Variants in SHISA9 observed in about 807,000 individuals in gnomAD.
The protein encoded by SHISA9 is protein shisa-9.
SHISA9 carries 13 observed loss-of-function variants against 38.0 expected under a neutral mutation model. The observed-to-expected ratio is 0.34, with a 90% CI of 0.22 to 0.54. The LOEUF is 0.54. Ranked by LOEUF, SHISA9 falls within the 20% of genes least tolerant of loss-of-function variation. SHISA9 has a pLI of 0.91. For synonymous variants in SHISA9, 275 were observed against 242.0 expected (o/e 1.14, Z -1.27); for missense variants, 538 against 575.8 (o/e 0.93, Z 0.67).
the SHISA9 span, among the ~76,000 whole-genome samples, chr16:13,320,292 C>CAAAAAAAAAAAAAAAAAAAAAA: frequency 2.6e-5 from 1 of 38,978 alleles, no homozygotes; most frequent in African/African-American, 5.9e-5. Flanking sequence ...GACTCTGTCT[C>CAAAAAAAAAAAAAAAAAAAAAA]AAAAAAAAAA....
the SHISA9 span, among the ~76,000 whole-genome samples, chr16:13,433,937 A>T: frequency 6.6e-6 from 1 of 152,212 alleles, no homozygotes; most frequent in South Asian, 2.1e-4. Flanking sequence ...TGTATGTATG[A>T]AAGACAGTTT....
chr16:13,472,781 G>A, the SHISA9 span, among the ~76,000 whole-genome samples: 1 of 152,018 alleles, frequency 6.6e-6, no homozygotes, highest in Non-Finnish European at 1.5e-5. Context: ...CTTCTGTCAT[G>A]TTTAATCTCC....
chr16:13,419,589 T>TA, the SHISA9 span, among the ~76,000 whole-genome samples: 2 of 152,182 alleles, frequency 1.3e-5, no homozygotes, highest in Non-Finnish European at 2.9e-5. Flanking sequence ...AAGAGAGGAT[T>TA]AAAAAATCAA....
At chr16:13,445,945 T>C in the SHISA9 span, among the ~76,000 whole-genome samples, 2 of 152,034 alleles carry the variant, frequency 1.3e-5, no homozygotes, top group Non-Finnish European at 1.5e-5. Flanking sequence ...TATTGCCTAG[T>C]ACTTTTTTTT....
chr16:13,293,354 C>G, the SHISA9 span, among the ~76,000 whole-genome samples: 7 of 152,142 alleles, frequency 4.6e-5, no homozygotes, highest in Admixed American at 3.3e-4. Context: ...GCTAGTCAAC[C>G]ATTAAGTCAT....
intron 4 of SHISA9, among the ~76,000 whole-genome samples, chr16:13,219,611 A>G (rs866182547): frequency 2.2e-4 from 33 of 152,188 alleles, no homozygotes; most frequent in African/African-American, 7.2e-4. Context: ...ACCTCTGAAC[A>G]AATTTGTAGG....
At chr16:13,208,337 A>G (rs1308490086) in intron 3 of SHISA9, among the ~76,000 whole-genome samples, 2 of 151,268 alleles carry the variant, frequency 1.3e-5, no homozygotes, top group Non-Finnish European at 2.9e-5. Context: ...TTCTCCCCAA[A>G]CCTGCCTTCC....
At chr16:13,449,982 T>C in the SHISA9 span, among the ~76,000 whole-genome samples, 1 of 152,224 alleles carries the variant, frequency 6.6e-6, no homozygotes, top group Non-Finnish European at 1.5e-5. Flanking sequence ...CAGTGTGTGG[T>C]GGCACACACC....
chr16:13,273,592 A>G, the SHISA9 span, among the ~76,000 whole-genome samples: 1 of 151,912 alleles, frequency 6.6e-6, no homozygotes, highest in African/African-American at 2.4e-5. Flanking sequence ...AGTCCATTAA[A>G]CCTCTCTTTC....
chr16:13,084,167 C>A (rs276641), intron 2 of SHISA9, among the ~76,000 whole-genome samples: 4 of 152,120 alleles, frequency 2.6e-5, no homozygotes, highest in African/African-American at 9.7e-5. Context: ...AAACAAGGAA[C>A]CTGAGGGCCA....
At chr16:13,007,734 C>T (rs538939547) in intron 2 of SHISA9, among the ~76,000 whole-genome samples, 2 of 152,304 alleles carry the variant, frequency 1.3e-5, no homozygotes, top group South Asian at 2.1e-4. Context: ...CAGCCTGAAA[C>T]CCTTTGCTTA....
intron 2 of SHISA9, among the ~76,000 whole-genome samples, chr16:13,038,004 G>T (rs1374393227): frequency 1.3e-5 from 2 of 152,088 alleles, no homozygotes; most frequent in African/African-American, 2.4e-5. Flanking sequence ...TTGTTTCTTT[G>T]TTTGGAGACA....
At chr16:13,438,060 T>G in the SHISA9 span, among the ~76,000 whole-genome samples, 6 of 152,022 alleles carry the variant, frequency 3.9e-5, no homozygotes, top group African/African-American at 1.4e-4. Flanking sequence ...GAGATGAGGT[T>G]TCACCATGCT....
At chr16:13,258,466 C>T in the SHISA9 span, 1 of 152,206 alleles carries the variant, frequency 6.6e-6, no homozygotes, top group Non-Finnish European at 1.5e-5. Context: ...CTCTTCTCTT[C>T]TACTTAGTCA....
At chr16:12,945,487 T>G (rs748180302) in intron 2 of SHISA9, among the ~76,000 whole-genome samples, 4 of 152,180 alleles carry the variant, frequency 2.6e-5, no homozygotes, top group Non-Finnish European at 5.9e-5. Flanking sequence ...TTGAAGAAAA[T>G]GTGAAAAGTA....
At chr16:13,527,032 C>T in the SHISA9 span, among the ~76,000 whole-genome samples, 1 of 152,204 alleles carries the variant, frequency 6.6e-6, no homozygotes, top group East Asian at 1.9e-4. Flanking sequence ...TTTTTCTCCA[C>T]CCCAAATGGC....
chr16:13,298,557 G>A, the SHISA9 span, among the ~76,000 whole-genome samples: 1 of 152,242 alleles, frequency 6.6e-6, no homozygotes, highest in Non-Finnish European at 1.5e-5. Flanking sequence ...GAGTGCTTAA[G>A]TACATTCCTC....
chr16:13,484,240 A>G, the SHISA9 span, among the ~76,000 whole-genome samples: 1 of 152,186 alleles, frequency 6.6e-6, no homozygotes, highest in South Asian at 2.1e-4. Context: ...ACTAGAGGAG[A>G]AACATAGTTT....
intron 2 of SHISA9, among the ~76,000 whole-genome samples, chr16:13,169,574 G>A (rs1370132655): frequency 2.6e-5 from 4 of 152,094 alleles, no homozygotes; most frequent in African/African-American, 9.7e-5. Flanking sequence ...CACAACTCTG[G>A]CTAAAGAATT....
Sources: allele counts gnomAD v4.1 joint callset (sites outside exome capture counted in the v4.1 genomes callset), GRCh38; gene constraint gnomAD v4.1.1; transcripts MANE v1.5; gene names NCBI Gene and HGNC (gene_info 2026-07-23, HGNC 2026-07-21).